Variants in COLEC11 observed in about 807,000 individuals in gnomAD.
COLEC11 encodes collectin subfamily member 11.
In COLEC11, 20 loss-of-function variants were observed where a neutral mutation model predicts 27.3. That is an observed-to-expected ratio of 0.73 (90% CI 0.51 to 1.06). COLEC11 has a LOEUF of 1.06. Among genes scored for constraint, COLEC11 ranks in the 50% least tolerant of loss-of-function variants. The pLI, the probability that COLEC11 is intolerant of heterozygous loss-of-function variation, is 0.00. For synonymous variants in COLEC11, 163 were observed against 154.7 expected (o/e 1.05, Z -0.40); for missense variants, 310 against 383.0 (o/e 0.81, Z 1.59).
chr2:3,635,553 C>T (rs2147949055), intron 3 of COLEC11, among the ~76,000 whole-genome samples: 1 of 152,324 alleles, frequency 6.6e-6, no homozygotes, highest in African/African-American at 2.4e-5. Flanking sequence ...CCCCGTTGCC[C>T]CTTTTCTATT....
chr2:3,641,196 AAG>A (rs1343050197), intron 5 of COLEC11: 4 of 1,299,838 alleles, frequency 3.1e-6, no homozygotes, highest in Non-Finnish European at 4.1e-6. Context: ...CCAGGGAGAA[AAG>A]AGAGGGGCTG....
chr2:3,620,715 T>TG (rs1264677999), intron 3 of COLEC11, among the ~76,000 whole-genome samples: 3 of 152,220 alleles, frequency 2.0e-5, no homozygotes, highest in Non-Finnish European at 4.4e-5. Context: ...ATCTTTTTGC[T>TG]GTAGCCCATA....
Position 3,644,138 on chromosome 2 carries a change from C to T in COLEC11, c.*20C>T, listed in dbSNP as rs1248794862. ...ATGTGAGCCTCAGGCTGGGGCTGCC[C>T]ATTGGGGGCCCCACATGTCCCTGCA... On this transcript the variant is annotated 3_prime_UTR_variant, in exon 7 of 7. Transcript: ENST00000349077. 6.2e-7 allele frequency: 1 copy of T among 1,604,024 alleles called. No individual in the cohort carries two copies. The highest frequency in any genetic ancestry group is 1.3e-5 in the African/African-American group (1 of 74,952).
intron 2 of COLEC11, among the ~76,000 whole-genome samples, chr2:3,607,595 G>A (rs904061637): frequency 2.0e-5 from 3 of 151,730 alleles, no homozygotes; most frequent in African/African-American, 4.8e-5. Flanking sequence ...CTATAGGCGC[G>A]CACCATCAAC....
intron 3 of COLEC11, among the ~76,000 whole-genome samples, chr2:3,625,428 G>A (rs1295020720): frequency 2.0e-5 from 3 of 152,014 alleles, no homozygotes; most frequent in East Asian, 3.9e-4. Flanking sequence ...GCGGGGGTTA[G>A]GGAAGGCACT....
intron 2 of COLEC11, among the ~76,000 whole-genome samples, chr2:3,609,717 A>G (rs941453343): frequency 7.9e-5 from 12 of 152,104 alleles, no homozygotes; most frequent in Non-Finnish European, 1.5e-5. Flanking sequence ...TTTAGTAGAG[A>G]CGGGGTTTCA....
intron 2 of COLEC11, among the ~76,000 whole-genome samples, chr2:3,612,181 C>T (rs952135949): frequency 2.0e-5 from 3 of 152,054 alleles, no homozygotes; most frequent in South Asian, 2.1e-4. Context: ...CGCACACACG[C>T]GCACACATAC....
Position 3,633,566 on chromosome 2 carries a change from C to T in COLEC11, c.203-3967C>T, listed in dbSNP as rs748261042. Among the ~76,000 whole-genome samples, 123 of 152,258 alleles carry T rather than the reference C, an allele frequency of 8.1e-4. 4 individuals are homozygous for T. Among genetic ancestry groups the T allele is most frequent in the South Asian group, 6.2e-4 (3 of 4,824 alleles). On this transcript the variant is annotated intron_variant, in intron 3 of 6. Coordinates refer to ENST00000349077, the MANE Select transcript of COLEC11 (RefSeq NM_024027.5). ...TTGCTGATTGTGAGGGTGCTGTGAG[C>T]GCGTCCAGCCTGATCTGGCAGCCTG...
At chr2:3,610,601 C>T (rs1663110378) in intron 2 of COLEC11, among the ~76,000 whole-genome samples, 1 of 152,160 alleles carries the variant, frequency 6.6e-6, no homozygotes, top group Admixed American at 6.5e-5. Context: ...GGCATGAAGT[C>T]CCTGGGCTGC....
chr2:3,599,381 T>C (rs1027270382), intron 1 of COLEC11, among the ~76,000 whole-genome samples: 9 of 152,104 alleles, frequency 5.9e-5, no homozygotes, highest in African/African-American at 1.2e-4. Flanking sequence ...TGCGGGAGAA[T>C]TGACTGACGC....
rs551533965 is a variant in COLEC11 at position 3,614,804 on chromosome 2, A to C, written c.202+1422A>C. 2.6e-5 allele frequency among the ~76,000 whole-genome samples: 4 copies of C among 152,372 alleles called. No individual in the cohort carries two copies. In the East Asian group the frequency reaches 7.7e-4, roughly 29 times the overall value. ...AAACGAAAAAAAGTTTCATACCAAGACAACTGACTTTGAAATTTCAGAACA... is the reference window on the plus strand; with the variant it reads ...AAACGAAAAAAAGTTTCATACCAAGCCAACTGACTTTGAAATTTCAGAACA... On this transcript the variant is annotated intron_variant, in intron 3 of 6. Transcript: ENST00000349077.
chr2:3,628,384 A>C (rs1367656376), intron 3 of COLEC11, among the ~76,000 whole-genome samples: 2 of 152,196 alleles, frequency 1.3e-5, no homozygotes, highest in Non-Finnish European at 2.9e-5. Flanking sequence ...CTCTCATTTA[A>C]ATGCAGCTGC....
At chr2:3,598,383 C>T (rs1437189382) in intron 1 of COLEC11, among the ~76,000 whole-genome samples, 1 of 152,214 alleles carries the variant, frequency 6.6e-6, no homozygotes, top group Non-Finnish European at 1.5e-5. Flanking sequence ...GAGCAGAAGG[C>T]TCTATTTGCG....
At chr2:3,637,710 T>G in intron 4 of COLEC11, 106 bp downstream of exon 4, 2 of 930,616 alleles carry the variant, frequency 2.1e-6, no homozygotes, top group Non-Finnish European at 3.5e-6. Flanking sequence ...GGTGCTCTTA[T>G]TTATATTCGG....
At chr2:3,595,789 T>C (rs746307865) in intron 1 of COLEC11, among the ~76,000 whole-genome samples, 36 of 152,336 alleles carry the variant, frequency 2.4e-4, no homozygotes, top group Middle Eastern at 3.4e-3. Flanking sequence ...CCTACCTGGA[T>C]GCCTTGCGCT....
At chr2:3,616,091 C>T (rs1194581601) in intron 3 of COLEC11, among the ~76,000 whole-genome samples, 13 of 150,466 alleles carry the variant, frequency 8.6e-5, no homozygotes, top group East Asian at 2.0e-4. Flanking sequence ...GGGTGGCGGT[C>T]GGGCAGAGAC....
rs1178377320 is a variant in COLEC11, at chr2:3,602,290, C to T, written c.-26-2025C>T. 1.3e-5 allele frequency among the ~76,000 whole-genome samples: 2 copies of T among 152,144 alleles called. No homozygotes were observed. The highest frequency in any genetic ancestry group is 4.8e-5 in the African/African-American group (2 of 41,408). Reference sequence around the variant, plus strand: ...AGCCTTGCAAACCGAACCATTGCTCCACCCACTGGGTCACATAGGAGTCTA... The same window carrying T: ...AGCCTTGCAAACCGAACCATTGCTCTACCCACTGGGTCACATAGGAGTCTA... On this transcript the variant is annotated intron_variant, in intron 1 of 6. Transcript: ENST00000349077. This position sits in a 1 kb window ranked among gnomAD's most constrained non-coding sequence, Gnocchi z 6.2.
intron 3 of COLEC11, among the ~76,000 whole-genome samples, chr2:3,615,805 GGCTGCCCCCC>G: frequency 3.7e-5 from 1 of 27,294 alleles, no homozygotes. Context: ...GCCAGGCAGG[GGCTGCCCCCC>G]ACCTCCCTCC....
At chr2:3,599,313 G>A (rs1360356494) in intron 1 of COLEC11, among the ~76,000 whole-genome samples, 1 of 152,250 alleles carries the variant, frequency 6.6e-6, no homozygotes, top group South Asian at 2.1e-4. Context: ...CATCTGGTGC[G>A]CGATGACCCA....
Sources: allele counts gnomAD v4.1 joint callset (sites outside exome capture counted in the v4.1 genomes callset), GRCh38; gene constraint gnomAD v4.1.1; non-coding constraint Gnocchi (gnomAD v3.1); transcripts MANE v1.5; gene names NCBI Gene and HGNC (gene_info 2026-07-23, HGNC 2026-07-21).